SHROOM2: variants seen among roughly 807,000 people sequenced by gnomAD.
SHROOM2 encodes shroom family member 2.
SHROOM2 carries 33 observed loss-of-function variants against 75.9 expected under a neutral mutation model. The ratio of observed to expected loss-of-function variants is 0.43; its 90% confidence interval spans 0.33 to 0.58. SHROOM2 has a LOEUF of 0.58. SHROOM2 is among the 20% of genes least tolerant of loss of function. The pLI, the probability that SHROOM2 is intolerant of heterozygous loss-of-function variation, is 0.04. For synonymous variants in SHROOM2, 655 were observed against 663.6 expected, an observed-to-expected ratio of 0.99 and a Z score of 0.20; for missense variants, 1,434 against 1,461.2, an observed-to-expected ratio of 0.98 and a Z score of 0.30.
intron 3 of SHROOM2, among the ~76,000 whole-genome samples, chrX:9,891,470 A>G (rs1037922136): frequency 8.9e-6 from 1 of 112,390 alleles, no homozygotes; most frequent in Non-Finnish European, 1.9e-5. Context: ...ATGGGGTGGC[A>G]GGTATATCTT....
chrX:9,946,642 C>T, intron 9 of SHROOM2, 29 bp from the exon 10 acceptor site: 2 of 1,192,092 alleles, frequency 1.7e-6, no homozygotes, highest in South Asian at 1.9e-5. Context: ...TCATCCTGGT[C>T]CTCAACAGGC....
intron 2 of SHROOM2, among the ~76,000 whole-genome samples, chrX:9,887,951 G>T (rs112414854): frequency 0.011 from 1,237 of 113,311 alleles, 20 homozygotes; most frequent in African/African-American, 0.037. Flanking sequence ...TTGAGCACTC[G>T]CAATGTGGCC....
At chrX:9,935,903 C>T (rs1043732634) in intron 6 of SHROOM2, among the ~76,000 whole-genome samples, 1 of 111,102 alleles carries the variant, frequency 9.0e-6, no homozygotes, top group Non-Finnish European at 1.9e-5. Flanking sequence ...TATGGGGCTG[C>T]TTCTCCAGTG....
intron 5 of SHROOM2, among the ~76,000 whole-genome samples, chrX:9,930,004 A>G (rs1357949264): frequency 1.8e-5 from 2 of 111,684 alleles, no homozygotes; most frequent in Non-Finnish European, 1.9e-5. Flanking sequence ...AGGCCTCCCC[A>G]GCCATGTGGA....
At chrX:9,804,224 GACTTAAC>G (rs924040719) in intron 1 of SHROOM2, among the ~76,000 whole-genome samples, 2 of 111,022 alleles carry the variant, frequency 1.8e-5, no homozygotes, top group African/African-American at 6.6e-5. Context: ...GGTGGTGTGT[GACTTAAC>G]ACTCCTTCCC....
At chrX:9,884,368 C>CTTCTTTTTTTTTTTTTTTTTTTT (rs1372366663) in intron 2 of SHROOM2, among the ~76,000 whole-genome samples, 1 of 62,307 alleles carries the variant, frequency 1.6e-5, no homozygotes, top group African/African-American at 5.8e-5. Context: ...TTTTTCTTTT[C>CTTCTTTTTTTTTTTTTTTTTTTT]TTTTTTTTTT....
chrX:9,903,205 C>T (rs2084373884), intron 5 of SHROOM2, among the ~76,000 whole-genome samples: 1 of 112,031 alleles, frequency 8.9e-6, no homozygotes, highest in Admixed American at 9.4e-5. Context: ...TCCAAGCTCT[C>T]CCCCTCATTT....
chrX:9,832,620 G>A (rs1391306002), intron 1 of SHROOM2, among the ~76,000 whole-genome samples: 1 of 111,168 alleles, frequency 9.0e-6, no homozygotes, highest in Non-Finnish European at 1.9e-5. Flanking sequence ...CACACTAGAC[G>A]AACCAGCAGG....
intron 2 of SHROOM2, among the ~76,000 whole-genome samples, chrX:9,889,976 T>C (rs758827490): frequency 1.9e-4 from 21 of 113,012 alleles, no homozygotes; most frequent in African/African-American, 6.7e-4. Context: ...TGCTTACTTA[T>C]TTATTTAGAA....
intron 1 of SHROOM2, among the ~76,000 whole-genome samples, chrX:9,843,014 C>T (rs767151752): frequency 8.9e-6 from 1 of 112,238 alleles, no homozygotes; most frequent in Admixed American, 9.4e-5. Context: ...ATTAAAAACA[C>T]CGGCTCAGGG....
chrX:9,829,626 A>G (rs1372695643), intron 1 of SHROOM2, among the ~76,000 whole-genome samples: 3 of 112,201 alleles, frequency 2.7e-5, no homozygotes, highest in Non-Finnish European at 5.6e-5. Context: ...TCCTAGTACA[A>G]GGCATTTTTT....
intron 1 of SHROOM2, among the ~76,000 whole-genome samples, chrX:9,798,748 G>C (rs2083707466): frequency 8.9e-6 from 1 of 112,251 alleles, no homozygotes; most frequent in Non-Finnish European, 1.9e-5. Flanking sequence ...CTGGAAAACG[G>C]AGTGTACTTT....
chrX:9,880,491 A>G (rs2084225727), intron 2 of SHROOM2, among the ~76,000 whole-genome samples: 1 of 113,106 alleles, frequency 8.8e-6, no homozygotes, highest in Admixed American at 9.3e-5. Flanking sequence ...GTGTGTTGCC[A>G]AGGGGCAGGG....
chrX:9,895,480 G>T lies in SHROOM2; in HGVS notation c.1572G>T (p.Glu524Asp). Reference protein sequence around the residue: ...QSPRHHLPQPEGPPDARETGR... With the variant: ...QSPRHHLPQPDGPPDARETGR... ...CACGCCATCACCTACCTCAGCCTGA[G>T]GGTCCTCCGGATGCCCGCGAGACAG... The change falls in exon 4 of 10, where the codon GAG becomes GAT. Residue 524 changes from glutamate (E) to aspartate (D), a missense_variant. Glu to Asp is a conservative substitution (Grantham distance 45). Coordinates refer to ENST00000380913, the MANE Select transcript of SHROOM2 (RefSeq NM_001649.4). The T allele has an allele frequency of 8.3e-7, 1 of 1,208,815 alleles. No individual in the cohort carries two copies. Among genetic ancestry groups the T allele is most frequent in the Non-Finnish European group, 1.1e-6 (1 of 894,442 alleles).
intron 1 of SHROOM2, among the ~76,000 whole-genome samples, chrX:9,857,976 G>A (rs2084081707): frequency 3.6e-5 from 4 of 111,164 alleles, no homozygotes; most frequent in Admixed American, 2.9e-4. Context: ...TCCACTTGCA[G>A]CGGCCCCTCC....
At position 9,912,198 on chromosome X, in the gene SHROOM2, GACACACACAC is replaced by G. The variant is rs57939278; in HGVS notation, c.2891+13952_2891+13961del. The stretch of plus-strand genomic sequence containing the variant: ...AGCCTTTTGGGGTTTTAAATTACAA[GACACACACAC>G]ACACACACACACACACACACACACA... On this transcript the variant is annotated intron_variant, in intron 5 of 9. Transcript: ENST00000380913. 9.9e-3 allele frequency among the ~76,000 whole-genome samples: 160 copies of G among 16,124 alleles called. 15 individuals are homozygous for G. The highest frequency in any genetic ancestry group is 0.03 in the African/African-American group (142 of 4,663). The allele number at this position is 16,124 out of a possible 115,157, so 14.0% of individuals were successfully genotyped here. A position where few individuals can be genotyped will look rare whatever the true frequency, so the allele number is the denominator to read the frequency against.
rs1451049984 is a variant in SHROOM2, at chrX:9,939,122, C to A, written c.4140-73C>A. On this transcript the variant is annotated intron_variant, in intron 7 of 9. Transcript: ENST00000380913. ...GAGCACCAGTGTTGATTTGTCACAA[C>A]CCAGGGGGTGGGGCAGAGGGGCTGT... 3.1e-6 allele frequency: 3 copies of A among 980,850 alleles called. No homozygotes were observed. In the East Asian group the frequency reaches 1.0e-4, roughly 33 times the overall value. 80.8% of individuals were successfully genotyped at this position (980,850 alleles called of 1,213,427 possible). A position where few individuals can be genotyped will look rare whatever the true frequency, so the allele number is the denominator to read the frequency against.
At chrX:9,933,401 C>CTA (rs1237986682) in intron 6 of SHROOM2, among the ~76,000 whole-genome samples, 8 of 111,195 alleles carry the variant, frequency 7.2e-5, no homozygotes, top group South Asian at 3.8e-4. Context: ...TTTCATGGTG[C>CTA]TATCATCAGG....
rs1056017183 is a variant in SHROOM2 at position 9,826,542 on chromosome X, T to C, written c.165+39832T>C. The stretch of plus-strand genomic sequence containing the variant: ...ATCCCAGTGCTTTGGGAGGCTGAGC[T>C]GAGAGGATCGCTTGAGCTCAGGGGT... On this transcript the variant is annotated intron_variant, in intron 1 of 9. Coordinates refer to ENST00000380913, the MANE Select transcript of SHROOM2 (RefSeq NM_001649.4). Among the ~76,000 whole-genome samples, 17 of 111,106 alleles carry C rather than the reference T, an allele frequency of 1.5e-4. 1 individual carries two copies. The highest frequency in any genetic ancestry group is 9.6e-4 in the Admixed American group (10 of 10,367).
Sources: allele counts gnomAD v4.1 joint callset (sites outside exome capture counted in the v4.1 genomes callset), GRCh38; gene constraint gnomAD v4.1.1; transcripts MANE v1.5; gene names NCBI Gene and HGNC (gene_info 2026-07-23, HGNC 2026-07-21).